The following TMPRSS15 variants were observed in gnomAD, a reference collection of about 807,000 sequenced individuals.
TMPRSS15 encodes enteropeptidase.
In TMPRSS15, 128 loss-of-function variants were observed where a neutral mutation model predicts 125.3. The ratio of observed to expected loss-of-function variants is 1.02; its 90% CI spans 0.89 to 1.18. The LOEUF (loss-of-function observed/expected upper bound fraction) is 1.18, where lower values mean the gene tolerates loss of function less well. Among genes scored for constraint, TMPRSS15 ranks in the 50% most tolerant of loss-of-function variants. TMPRSS15 has a pLI of 0.00. For missense variants in TMPRSS15, 1,283 were observed against 1,212.7 expected, an observed-to-expected ratio of 1.06 and a Z score of -0.86; for synonymous variants, 446 against 423.2, an observed-to-expected ratio of 1.05 and a Z score of -0.66.
At position 18,315,172 on chromosome 21, in the gene TMPRSS15, T is replaced by A; in HGVS notation, c.2006A>T (p.Glu669Val). 1 of 1,613,658 alleles carries A rather than the reference T, an allele frequency of 6.2e-7. No homozygotes were observed. Among genetic ancestry groups the A allele is most frequent in the Non-Finnish European group, 8.5e-7 (1 of 1,179,870 alleles). ...VNLCDGHLHC[E>V]DGSDEADCVR... ...ACAATCTGCTTCATCTGAGCCATCC[T>A]CACAGTGCAGATGACCGTCACAGAG... is the stretch of plus-strand genomic sequence containing the variant. Residue 669 changes from glutamate (E) to valine (V), a missense_variant, in exon 17 of 25, where the codon GAG (glutamate) becomes GTG (valine). Physicochemically the swap from Glu to Val is moderately radical, Grantham distance 121 (BLOSUM62 -2). Transcript: ENST00000284885.
chr21:18,343,611 G>T lies in TMPRSS15; in HGVS notation c.1323C>A (p.Ile441=). The T allele has an allele frequency of 6.2e-7, 1 of 1,613,442 alleles. No individual in the cohort carries two copies. The highest frequency in any genetic ancestry group is 1.3e-5 in the African/African-American group (1 of 74,998). ...TCTTCTCCATATTTTGGTCATTGCT[G>T]ATATTAATGCTTAATTTATGGACAT... ...GENVHKLSIN[I]SNDQNMEKTV... is the part of the protein sequence containing the mutation. Residue 441 remains isoleucine (I), a synonymous_variant, in exon 12 of 25, where the codon ATC becomes ATA. Coordinates refer to ENST00000284885, the MANE Select transcript of TMPRSS15 (RefSeq NM_002772.3).
chr21:18,367,932 G>A (rs1333081609), intron 6 of TMPRSS15, among the ~76,000 whole-genome samples: 2 of 151,888 alleles, frequency 1.3e-5, no homozygotes, highest in African/African-American at 2.4e-5. Context: ...TATCACTATC[G>A]CAATGACATC....
intron 18 of TMPRSS15, among the ~76,000 whole-genome samples, chr21:18,299,605 C>T (rs2074943433): frequency 6.6e-6 from 1 of 152,328 alleles, no homozygotes; most frequent in African/African-American, 2.4e-5. Flanking sequence ...TCCAGCCTGT[C>T]TTCTAGACAT....
intron 18 of TMPRSS15, among the ~76,000 whole-genome samples, chr21:18,305,964 C>T (rs570471018): frequency 7.9e-5 from 12 of 152,084 alleles, no homozygotes; most frequent in Non-Finnish European, 1.5e-4. Context: ...ACAACCTTGC[C>T]CAAAGCTTTT....
intron 15 of TMPRSS15, 51 bp from the exon 16 acceptor site, chr21:18,326,623 A>G: frequency 6.2e-7 from 1 of 1,610,844 alleles, no homozygotes; most frequent in Non-Finnish European, 8.5e-7. Flanking sequence ...TTGGATCTAG[A>G]AGGAAATGTA....
chr21:18,327,287 C>T (rs957989344), intron 15 of TMPRSS15, among the ~76,000 whole-genome samples: 9 of 151,952 alleles, frequency 5.9e-5, no homozygotes, highest in Non-Finnish European at 8.8e-5. Flanking sequence ...TGAAATGATA[C>T]GTTTTAATTT....
At chr21:18,433,663 C>CAAAAAAAAAAAAAAAA (rs58432155) in intron 1 of TMPRSS15, among the ~76,000 whole-genome samples, 8 of 62,408 alleles carry the variant, frequency 1.3e-4, no homozygotes, top group East Asian at 5.1e-4. Flanking sequence ...GACCTTGTCT[C>CAAAAAAAAAAAAAAAA]AAAAAAAAAA....
chr21:18,446,109 G>A lies in TMPRSS15; in HGVS notation c.10+39690C>T, dbSNP rs528377921. ...AGAAGTGATAAGCAAATTCAATAAA[G>A]TTGTAGAATACAAAATCAACATACA... On this transcript the variant is annotated intron_variant, in intron 1 of 7. Coordinates refer to the TMPRSS15 transcript ENST00000422787. Among the ~76,000 whole-genome samples, 6 of 152,254 alleles carry A rather than the reference G, an allele frequency of 3.9e-5. No individual in the cohort carries two copies. In the East Asian group the frequency reaches 9.6e-4, roughly 24 times the overall value.
At chr21:18,470,908 T>C (rs974557760) in intron 1 of TMPRSS15, among the ~76,000 whole-genome samples, 2 of 152,078 alleles carry the variant, frequency 1.3e-5, no homozygotes, top group Non-Finnish European at 2.9e-5. Context: ...AGAATGATTC[T>C]CTGGGGAACC....
rs2074874279 is a variant in TMPRSS15 at position 18,294,304 on chromosome 21, C to T, written c.2452G>A (p.Asp818Asn). The T allele has an allele frequency of 3.7e-6, 6 of 1,614,112 alleles. No homozygotes were observed. The highest frequency in any genetic ancestry group is 5.1e-6 in the Non-Finnish European group (6 of 1,180,056). The change falls in exon 21 of 25, where the codon GAC (aspartate) becomes AAC (asparagine). Residue 818 changes from aspartate (D) to asparagine (N), a missense_variant. Asp to Asn is a conservative substitution (Grantham distance 23). Transcript: ENST00000284885. ...CAGTGTGCGGCGGACACCAGCCAGTCACTGCTGACGAGAGATGCGCCGCAG... is the reference window on the plus strand; with the variant it reads ...CAGTGTGCGGCGGACACCAGCCAGTTACTGCTGACGAGAGATGCGCCGCAG... ...LLCGASLVSS[D>N]WLVSAAHCVY...
upstream of TMPRSS15, among the ~76,000 whole-genome samples, chr21:18,405,952 C>T (rs1365182531): frequency 6.6e-6 from 1 of 151,960 alleles, no homozygotes; most frequent in African/African-American, 2.4e-5. Context: ...AAAAATAAAA[C>T]CCTAAGCCAC....
chr21:18,422,860 A>G (rs1467358114), intron 1 of TMPRSS15, among the ~76,000 whole-genome samples: 1 of 152,196 alleles, frequency 6.6e-6, no homozygotes, highest in Non-Finnish European at 1.5e-5. Context: ...TGTGAGGGTT[A>G]GCAGGTGGAT....
Position 18,353,712 on chromosome 21 carries a change from A to G in TMPRSS15, c.1021+11T>C, listed in dbSNP as rs756474282. ...TAAAAATTAAAAAGCCAAAAAATAA[A>G]TAATACTTACTATTAAGCTCACTGC... On this transcript the variant is annotated intron_variant, in intron 9 of 24. Transcript: ENST00000284885. The G allele has an allele frequency of 5.6e-6, 9 of 1,607,028 alleles. No homozygotes were observed. Among genetic ancestry groups the G allele is most frequent in the East Asian group, 2.2e-5 (1 of 44,628 alleles).
At chr21:18,291,411 C>T (rs1365744500) in intron 21 of TMPRSS15, among the ~76,000 whole-genome samples, 1 of 152,158 alleles carries the variant, frequency 6.6e-6, no homozygotes, top group Non-Finnish European at 1.5e-5. Context: ...CTCAGGAGAA[C>T]TTAGCCTGAG....
In TMPRSS15 at chr21:18,326,476, C is replaced by T. The variant is rs2075292162; in HGVS notation, c.1877G>A (p.Gly626Glu). The T allele has an allele frequency of 1.2e-6, 2 of 1,613,992 alleles. No homozygotes were observed. Among genetic ancestry groups the T allele is most frequent in the African/African-American group, 1.3e-5 (1 of 74,912 alleles). Residue 626 changes from glycine to glutamate, a missense_variant, in exon 16 of 25, where the codon GGG becomes GAG. Gly to Glu is a moderately conservative substitution (Grantham distance 98). Coordinates refer to ENST00000284885, the MANE Select transcript of TMPRSS15 (RefSeq NM_002772.3). ...LITNDVLARG[G>E]FKANFTTGYH... ...GCCAGTAGTAAAGTTTGCTTTAAAC[C>T]CTCCTCTTGCCAACACATCGTTAGT...
intron 13 of TMPRSS15, among the ~76,000 whole-genome samples, chr21:18,336,170 G>A (rs1022128790): frequency 6.6e-6 from 1 of 151,962 alleles, no homozygotes; most frequent in Non-Finnish European, 1.5e-5. Context: ...ACTGAGGGGT[G>A]GAAAAGAGAA....
intron 5 of TMPRSS15, among the ~76,000 whole-genome samples, chr21:18,377,359 C>T (rs577511302): frequency 1.3e-5 from 2 of 151,832 alleles, no homozygotes; most frequent in East Asian, 3.9e-4. Flanking sequence ...AAGAAAGTAT[C>T]CAAATAGTTG....
chr21:18,301,012 T>A (rs1179026740), intron 18 of TMPRSS15, among the ~76,000 whole-genome samples: 6 of 152,190 alleles, frequency 3.9e-5, no homozygotes. Context: ...TTTTCAACAT[T>A]TTTAGTCTCA....
At chr21:18,468,234 C>A (rs1425668096) in intron 1 of TMPRSS15, among the ~76,000 whole-genome samples, 3 of 152,098 alleles carry the variant, frequency 2.0e-5, no homozygotes, top group Non-Finnish European at 4.4e-5. Flanking sequence ...AACAGAGAGG[C>A]TCCTTTTGTG....
Sources: gnomAD v4.1 joint callset for allele counts (sites outside exome capture counted in the v4.1 genomes callset) on GRCh38, gnomAD v4.1.1 for gene constraint, MANE v1.5 for transcripts, NCBI Gene and HGNC (gene_info 2026-07-23, HGNC 2026-07-21) for gene names.